ZMYM2: variants seen among roughly 807,000 people sequenced by gnomAD.
The protein encoded by ZMYM2 is zinc finger MYM-type protein 2.
ZMYM2 carries 56 observed loss-of-function variants against 162.8 expected under a neutral mutation model. The ratio of observed to expected loss-of-function variants is 0.34; its 90% CI spans 0.28 to 0.43. ZMYM2 has a LOEUF of 0.43. ZMYM2 is among the 20% of genes least tolerant of loss of function. The pLI, the probability that ZMYM2 is intolerant of heterozygous loss-of-function variation, is 1.00. For missense variants in ZMYM2, 1,275 were observed against 1,621.8 expected (o/e 0.79, Z 3.67); for synonymous variants, 510 against 541.6 (o/e 0.94, Z 0.81).
In ZMYM2 at chr13:20,086,771, G is replaced by GTA. The variant is rs35941536; in HGVS notation, c.*784_*785dup. The GTA allele has an allele frequency of 0.42, 55,869 of 133,356 alleles. 12,521 individuals are homozygous for GTA. The highest frequency in any genetic ancestry group is 0.76 in the East Asian group (3,424 of 4,502). 8.3% of individuals were successfully genotyped at this position (133,356 alleles called of 1,614,324 possible). A position where few individuals can be genotyped will look rare whatever the true frequency, so the allele number is the denominator to read the frequency against. On this transcript the variant is annotated 3_prime_UTR_variant, in exon 25 of 25. Coordinates refer to ENST00000610343, the MANE Select transcript of ZMYM2 (RefSeq NM_197968.4). ...TATATATATGTATGTATGTGTGTGT[G>GTA]TATATATATATATATATATATATAT...
chr13:20,069,597 TCTC>T (rs1216664441), intron 21 of ZMYM2, among the ~76,000 whole-genome samples: 6 of 152,002 alleles, frequency 3.9e-5, no homozygotes, highest in Admixed American at 1.3e-4. Context: ...GGATTTTTCT[TCTC>T]CTATTAATAA....
chr13:19,914,075 A>G, the ZMYM2 span, among the ~76,000 whole-genome samples: 1 of 152,210 alleles, frequency 6.6e-6, no homozygotes, highest in Non-Finnish European at 1.5e-5. Context: ...CAGATGTATA[A>G]TTATGTACCA....
the ZMYM2 span, among the ~76,000 whole-genome samples, chr13:19,889,654 T>C: frequency 1.3e-5 from 2 of 151,956 alleles, no homozygotes; most frequent in Non-Finnish European, 2.9e-5. Context: ...TGCTTCCTCC[T>C]GCACAGATGC....
the ZMYM2 span, among the ~76,000 whole-genome samples, chr13:19,937,587 T>C: frequency 6.7e-6 from 1 of 150,324 alleles, no homozygotes; most frequent in African/African-American, 2.4e-5. Flanking sequence ...TATTCTGCTT[T>C]TTTTTTTTAG....
At chr13:19,885,889 A>ATGTATACACACATATATG in the ZMYM2 span, among the ~76,000 whole-genome samples, 3 of 33,278 alleles carry the variant, frequency 9.0e-5, 1 homozygote, top group African/African-American at 2.0e-4. Flanking sequence ...ACACATATAT[A>ATGTATACACACATATATG]TGTGTATACA....
the ZMYM2 span, among the ~76,000 whole-genome samples, chr13:19,873,404 A>ATTTT: frequency 6.7e-6 from 1 of 149,590 alleles, no homozygotes; most frequent in African/African-American, 2.5e-5. Flanking sequence ...TTATTTATTT[A>ATTTT]TTTATTTATT....
chr13:19,880,115 A>G, the ZMYM2 span, among the ~76,000 whole-genome samples: 1 of 152,130 alleles, frequency 6.6e-6, no homozygotes, highest in Non-Finnish European at 1.5e-5. Flanking sequence ...CCATGACTGA[A>G]TTACACCATC....
chr13:19,872,278 C>T, the ZMYM2 span, among the ~76,000 whole-genome samples: 1 of 152,038 alleles, frequency 6.6e-6, no homozygotes. Context: ...TGGCTAGGCA[C>T]GGTGGCTCAT....
At chr13:19,901,209 A>C in the ZMYM2 span, among the ~76,000 whole-genome samples, 2 of 152,142 alleles carry the variant, frequency 1.3e-5, no homozygotes, top group Non-Finnish European at 2.9e-5. Flanking sequence ...GAGCTTCAAC[A>C]TATGAACTTT....
At chr13:19,920,914 C>T in the ZMYM2 span, among the ~76,000 whole-genome samples, 3 of 151,822 alleles carry the variant, frequency 2.0e-5, no homozygotes, top group African/African-American at 4.8e-5. Context: ...AGGTGCATGC[C>T]ACCATGCCCA....
At position 20,083,894 on chromosome 13, in the gene ZMYM2, A is replaced by G; in HGVS notation, c.3941+118A>G. The G allele has an allele frequency of 4.0e-6, 4 of 1,008,436 alleles. No individual in the cohort carries two copies. In the South Asian group the frequency reaches 6.0e-5, roughly 15 times the overall value. The allele number at this position is 1,008,436 out of a possible 1,614,324, so 62.5% of individuals were successfully genotyped here. The stretch of plus-strand genomic sequence containing the variant: ...TTCTTTCTCAGATTTCTTCTCTCTC[A>G]GTTATACCCAAGTTCATTCAGTTAT... On this transcript the variant is annotated intron_variant, in intron 24 of 24. Transcript: ENST00000610343.
At chr13:19,873,780 C>T in the ZMYM2 span, among the ~76,000 whole-genome samples, 59 of 152,262 alleles carry the variant, frequency 3.9e-4, no homozygotes, top group African/African-American at 1.3e-3. Context: ...ACGTCAGAGG[C>T]GTCTTCCTGT....
chr13:19,897,680 A>G, the ZMYM2 span, among the ~76,000 whole-genome samples: 2 of 152,072 alleles, frequency 1.3e-5, no homozygotes, highest in South Asian at 4.1e-4. Flanking sequence ...AGTTTAAGTC[A>G]AAAACTGTTA....
intron 2 of ZMYM2, among the ~76,000 whole-genome samples, chr13:19,988,400 T>A (rs1286647615): frequency 6.6e-6 from 1 of 152,180 alleles, no homozygotes; most frequent in Non-Finnish European, 1.5e-5. Context: ...CATAATTGGC[T>A]TTGGTTTCTG....
the ZMYM2 span, among the ~76,000 whole-genome samples, chr13:19,891,965 A>G: frequency 6.6e-6 from 1 of 151,780 alleles, no homozygotes; most frequent in African/African-American, 2.4e-5. Context: ...TCATTAAGGC[A>G]GGGTCTCACT....
chr13:20,023,971 G>T (rs142727906), intron 7 of ZMYM2, among the ~76,000 whole-genome samples: 1 of 146,646 alleles, frequency 6.8e-6, no homozygotes, highest in African/African-American at 2.5e-5. Flanking sequence ...GTCTCACTCT[G>T]TTGCCCAGGC....
rs1331200062 is a variant in ZMYM2, at chr13:20,085,753, T to C, written c.3942-69T>C. The C allele has an allele frequency of 1.6e-5, 23 of 1,466,038 alleles. No individual in the cohort carries two copies. The Middle Eastern group carries it at 5.3e-4, about 34-fold the overall frequency. 90.8% of individuals were successfully genotyped at this position (1,466,038 alleles called of 1,614,324 possible). Reference sequence around the variant, plus strand: ...GTGATTAATGGGGTCTGAATTATTCTTGAAAAAAGAAAAAGTTGTGGAAAT... The same window carrying C: ...GTGATTAATGGGGTCTGAATTATTCCTGAAAAAAGAAAAAGTTGTGGAAAT... On this transcript the variant is annotated intron_variant, in intron 24 of 24. Coordinates refer to ENST00000610343, the MANE Select transcript of ZMYM2 (RefSeq NM_197968.4).
rs1012522930 is a variant in ZMYM2, at chr13:20,029,716, A to G, written c.1852-1603A>G. Among the ~76,000 whole-genome samples the G allele has an allele frequency of 4.6e-5, 7 of 152,336 alleles. No individual in the cohort carries two copies. The South Asian group carries it at 1.4e-3, about 32-fold the overall frequency. ...ATATGGTTTAAAAAATGATAATTAAATACCAGTGTCCTCACCATTCAGATT... is the reference window on the plus strand; with the variant it reads ...ATATGGTTTAAAAAATGATAATTAAGTACCAGTGTCCTCACCATTCAGATT... On this transcript the variant is annotated intron_variant, in intron 9 of 24. Transcript: ENST00000610343.
At chr13:20,033,706 G>A (rs1246830619) in intron 10 of ZMYM2, among the ~76,000 whole-genome samples, 2 of 152,138 alleles carry the variant, frequency 1.3e-5, no homozygotes. Flanking sequence ...TTTGGGCCCA[G>A]GAGAAACAAA....
Sources: gnomAD v4.1 joint callset for allele counts (sites outside exome capture counted in the v4.1 genomes callset) on GRCh38, gnomAD v4.1.1 for gene constraint, MANE v1.5 for transcripts, NCBI Gene and HGNC (gene_info 2026-07-23, HGNC 2026-07-21) for gene names.